PKHD1L1: variants seen among roughly 807,000 people sequenced by gnomAD.
The protein encoded by PKHD1L1 is PKHD1 like 1.
PKHD1L1 carries 434 observed loss-of-function variants against 462.9 expected under a neutral mutation model. The ratio of observed to expected loss-of-function variants is 0.94; its 90% confidence interval spans 0.87 to 1.02. The LOEUF (loss-of-function observed/expected upper bound fraction) is 1.02, where lower values mean the gene tolerates loss of function less well. Among genes scored for constraint, PKHD1L1 ranks in the 50% least tolerant of loss-of-function variants. PKHD1L1 has a pLI of 0.00. For synonymous variants in PKHD1L1, 1,781 were observed against 1,750.0 expected (o/e 1.02, Z -0.44); for missense variants, 5,202 against 5,096.1 (o/e 1.02, Z -0.63).
At chr8:109,462,659 A>G (rs1336890631) in intron 48 of PKHD1L1, among the ~76,000 whole-genome samples, 1 of 152,100 alleles carries the variant, frequency 6.6e-6, no homozygotes, top group Non-Finnish European at 1.5e-5. Context: ...CTCCTGCCTC[A>G]GCCTCCTGAG....
In PKHD1L1 at chr8:109,382,588, T is replaced by C. The variant is rs373309630; in HGVS notation, c.417+17T>C. The C allele has an allele frequency of 4.5e-5, 72 of 1,591,338 alleles. No homozygotes were observed. In the African/African-American group the frequency reaches 9.6e-4, roughly 21 times the overall value. On this transcript the variant is annotated intron_variant, in intron 4 of 77. Transcript: ENST00000378402. ...ACCTTCAACGTATGTAGGAATCTTCTCTTCAGTTTATGTATAGTTGATCTT... is the reference window on the plus strand; with the variant it reads ...ACCTTCAACGTATGTAGGAATCTTCCCTTCAGTTTATGTATAGTTGATCTT...
chr8:109,382,342 T>TA, intron 3 of PKHD1L1, 121 bp from the exon 4 acceptor site: 1 of 683,024 alleles, frequency 1.5e-6, no homozygotes. Context: ...AGACATCAGT[T>TA]ACGACGTTGG....
intron 67 of PKHD1L1, among the ~76,000 whole-genome samples, chr8:109,499,890 G>C (rs377286043): frequency 1.3e-5 from 2 of 152,154 alleles, no homozygotes. Context: ...AAATTGCCAC[G>C]GAGTTGATCC....
chr8:109,460,562 T>G (rs1488263200), intron 47 of PKHD1L1, among the ~76,000 whole-genome samples: 3 of 152,152 alleles, frequency 2.0e-5, no homozygotes, highest in African/African-American at 4.8e-5. Flanking sequence ...CATCACAAGA[T>G]GTTTGACAGC....
chr8:109,410,386 C>T (rs1012289601), intron 19 of PKHD1L1, among the ~76,000 whole-genome samples: 4 of 152,062 alleles, frequency 2.6e-5, no homozygotes, highest in Admixed American at 6.6e-5. Flanking sequence ...GGCATCTGCT[C>T]GACATCTTGG....
intron 71 of PKHD1L1, among the ~76,000 whole-genome samples, chr8:109,511,454 T>A (rs1819977343): frequency 6.6e-6 from 1 of 150,806 alleles, no homozygotes. Context: ...GTTTGGTTTT[T>A]TGTTCTTGCG....
intron 3 of PKHD1L1, among the ~76,000 whole-genome samples, chr8:109,382,079 A>G (rs1368376711): frequency 1.3e-5 from 2 of 152,184 alleles, no homozygotes; most frequent in African/African-American, 4.8e-5. Flanking sequence ...CACCAGGAAA[A>G]GCTTACTAAG....
chr8:109,529,314 T>C (rs911752355), intron 77 of PKHD1L1, among the ~76,000 whole-genome samples: 1 of 152,188 alleles, frequency 6.6e-6, no homozygotes, highest in Non-Finnish European at 1.5e-5. Context: ...TATAGCTGAA[T>C]ATAGACAAGG....
intron 38 of PKHD1L1, 68 bp downstream of exon 38, chr8:109,445,713 AATG>A: frequency 7.2e-7 from 1 of 1,396,448 alleles, no homozygotes; most frequent in Non-Finnish European, 9.7e-7. Flanking sequence ...ATGGAATTGG[AATG>A]ATATTTGTAA....
chr8:109,373,706 C>T (rs377060088), intron 2 of PKHD1L1, among the ~76,000 whole-genome samples: 110 of 152,240 alleles, frequency 7.2e-4, no homozygotes, highest in Non-Finnish European at 1.4e-3. Context: ...TATGTTGTGT[C>T]TTTGTCCTCG....
At chr8:109,486,054 C>A (rs1818510606) in intron 58 of PKHD1L1, among the ~76,000 whole-genome samples, 1 of 151,856 alleles carries the variant, frequency 6.6e-6, no homozygotes, top group Non-Finnish European at 1.5e-5. Flanking sequence ...TTTTGAGTAA[C>A]ATTTCTTAAA....
chr8:109,470,136 C>A, intron 50 of PKHD1L1: 2 of 601,130 alleles, frequency 3.3e-6, no homozygotes, highest in South Asian at 5.0e-5. Flanking sequence ...GTATATATTC[C>A]TTACAAGTTG....
At chr8:109,466,011 G>C (rs1358381315) in intron 49 of PKHD1L1, among the ~76,000 whole-genome samples, 1 of 152,172 alleles carries the variant, frequency 6.6e-6, no homozygotes, top group Non-Finnish European at 1.5e-5. Flanking sequence ...TAAACCTATA[G>C]ATGGTAATGA....
At chr8:109,495,177 C>A (rs1329207363) in intron 63 of PKHD1L1, among the ~76,000 whole-genome samples, 1 of 151,950 alleles carries the variant, frequency 6.6e-6, no homozygotes, top group Non-Finnish European at 1.5e-5. Context: ...ATAAAAACTA[C>A]TTTGTCAACA....
In PKHD1L1 at chr8:109,526,929, G is replaced by C; in HGVS notation, c.12630G>C (p.Gln4210His). 1.9e-6 allele frequency: 3 copies of C among 1,613,772 alleles called. No homozygotes were observed. In the African/African-American group the frequency reaches 4.0e-5, roughly 22 times the overall value. ...CATCAACTGTGGGTACATATGCCCA[G>C]ATAATGACTGTAGTAATTAGCTGTC... ...SKASTVGTYA[Q>H]IMTVVISCLV... The change falls in exon 77 of 78, where the codon CAG (glutamine) becomes CAC (histidine). Residue 4210 changes from glutamine (Q) to histidine (H), a missense_variant. Gln to His is a conservative substitution (Grantham distance 24). This residue lies in a region of PKHD1L1 where 698 missense variants were observed against 736.3 expected (regional missense o/e 0.95). Transcript: ENST00000378402.
At chr8:109,503,263 C>A (rs1819519418) in intron 67 of PKHD1L1, among the ~76,000 whole-genome samples, 1 of 17,598 alleles carries the variant, frequency 5.7e-5, no homozygotes, top group Non-Finnish European at 1.2e-4. Flanking sequence ...CATGATCACA[C>A]CACTGGACCC....
chr8:109,385,249 CTT>C lies in PKHD1L1; in HGVS notation c.476-275_476-274del, dbSNP rs367896512. ...TTCTCTTACTTTTTGGTACAGAGAT[CTT>C]TTTTTTTTTTTTCTCAAATAGTCAC... On this transcript the variant is annotated intron_variant, in intron 5 of 77. Coordinates refer to ENST00000378402, the MANE Select transcript of PKHD1L1 (RefSeq NM_177531.6). 6.4e-5 allele frequency among the ~76,000 whole-genome samples: 9 copies of C among 140,732 alleles called. No homozygotes were observed. The East Asian group carries it at 1.6e-3, about 26-fold the overall frequency. The allele number at this position is 140,732 out of a possible 152,430, so 92.3% of individuals were successfully genotyped here. A position where few individuals can be genotyped will look rare whatever the true frequency, so the allele number is the denominator to read the frequency against.
intron 67 of PKHD1L1, among the ~76,000 whole-genome samples, chr8:109,499,948 G>A (rs1464266265): frequency 6.6e-6 from 1 of 152,180 alleles, no homozygotes; most frequent in Non-Finnish European, 1.5e-5. Context: ...GTATCCCCAT[G>A]TTAGTTTTTG....
intron 45 of PKHD1L1, among the ~76,000 whole-genome samples, chr8:109,455,465 C>T (rs1056655523): frequency 6.6e-6 from 1 of 152,190 alleles, no homozygotes; most frequent in Non-Finnish European, 1.5e-5. Flanking sequence ...AGCCTCCAGG[C>T]TCTTCTCGTT....
Sources: gnomAD v4.1 joint callset for allele counts (sites outside exome capture counted in the v4.1 genomes callset) on GRCh38, gnomAD v4.1.1 for gene constraint, gnomAD v4.1.1 regional missense constraint, MANE v1.5 for transcripts, NCBI Gene and HGNC (gene_info 2026-07-23, HGNC 2026-07-21) for gene names.